DCC: variants seen among roughly 807,000 people sequenced by gnomAD.
The protein encoded by DCC is netrin receptor DCC.
In DCC, 58 loss-of-function variants were observed where a neutral mutation model predicts 172.5. The observed-to-expected ratio is 0.34, with a 90% CI of 0.27 to 0.42. DCC has a LOEUF of 0.42. DCC is among the 10% of genes least tolerant of loss of function. The probability of loss-of-function intolerance (pLI) is 1.00; values close to 1 mark genes in which losing one functional copy is unlikely to be tolerated. For missense variants in DCC, 1,740 were observed against 1,791.0 expected (o/e 0.97, Z 0.51); for synonymous variants, 709 against 644.5 (o/e 1.10, Z -1.52).
chr18:53,458,706 A>C (rs1178232452), intron 23 of DCC, among the ~76,000 whole-genome samples: 1 of 152,220 alleles, frequency 6.6e-6, no homozygotes, highest in African/African-American at 2.4e-5. Context: ...TCTCCTAAGA[A>C]TATCCTCATG....
At chr18:52,364,996 T>C (rs978254463) in intron 1 of DCC, among the ~76,000 whole-genome samples, 1 of 152,032 alleles carries the variant, frequency 6.6e-6, no homozygotes, top group Admixed American at 6.6e-5. Context: ...TTAAAAGAAA[T>C]AAATCTCATT....
At chr18:52,543,613 C>T (rs2032527431) in intron 1 of DCC, among the ~76,000 whole-genome samples, 1 of 152,250 alleles carries the variant, frequency 6.6e-6, no homozygotes, top group Middle Eastern at 3.4e-3. Flanking sequence ...ATTGTGAAAC[C>T]CTTGGGGCTG....
At chr18:52,840,264 A>G (rs1291357766) in intron 2 of DCC, among the ~76,000 whole-genome samples, 1 of 152,176 alleles carries the variant, frequency 6.6e-6, no homozygotes, top group Admixed American at 6.5e-5. Flanking sequence ...TTCTGGACAC[A>G]GTCTGCTCTG....
intron 5 of DCC, among the ~76,000 whole-genome samples, chr18:53,022,368 C>T (rs980556681): frequency 6.6e-6 from 1 of 151,592 alleles, no homozygotes; most frequent in South Asian, 2.1e-4. Flanking sequence ...ACTTTTCATA[C>T]CAGTAAAATG....
rs1392392948 is a variant in DCC, at chr18:53,047,326, TTTTA to T, written c.986-15977_986-15974del. ...TATATATAATTTTATATATATATAA[TTTTA>T]TATATATAATAATATGAAATACATA... On this transcript the variant is annotated intron_variant, in intron 5 of 28. Transcript: ENST00000442544. 3.7e-5 allele frequency among the ~76,000 whole-genome samples: 3 copies of T among 81,284 alleles called. No homozygotes were observed. The East Asian group carries it at 1.1e-3, about 30-fold the overall frequency. The allele number at this position is 81,284 out of a possible 152,430, so 53.3% of individuals were successfully genotyped here.
At chr18:52,683,750 T>G (rs1024986469) in intron 1 of DCC, among the ~76,000 whole-genome samples, 8 of 152,018 alleles carry the variant, frequency 5.3e-5, no homozygotes, top group African/African-American at 1.9e-4. Flanking sequence ...CCCAGTACCT[T>G]CCTTTGCATA....
intron 5 of DCC, among the ~76,000 whole-genome samples, chr18:52,959,892 G>A (rs1568212105): frequency 6.6e-6 from 1 of 152,018 alleles, no homozygotes. Context: ...GTTAGCTGGG[G>A]GAATTAGGCA....
intron 1 of DCC, among the ~76,000 whole-genome samples, 189 bp downstream of exon 1, chr18:52,341,067 G>C (rs879642801): frequency 6.6e-6 from 1 of 151,492 alleles, no homozygotes; most frequent in African/African-American, 2.4e-5. Flanking sequence ...GATGATGGTG[G>C]GGGGGTGGTA....
chr18:53,477,922 AG>A (rs1490248921), intron 25 of DCC, among the ~76,000 whole-genome samples: 1 of 152,212 alleles, frequency 6.6e-6, no homozygotes, highest in Non-Finnish European at 1.5e-5. Context: ...ATGGTGGCAA[AG>A]GTTGACTATT....
intron 19 of DCC, among the ~76,000 whole-genome samples, chr18:53,404,370 C>T (rs1599112379): frequency 8.6e-6 from 1 of 116,138 alleles, no homozygotes; most frequent in Non-Finnish European, 2.0e-5. Context: ...AAGTTTTTAA[C>T]TCTGGAAGAA....
intron 8 of DCC, among the ~76,000 whole-genome samples, chr18:53,174,779 C>T (rs1195882876): frequency 1.3e-5 from 2 of 150,606 alleles, no homozygotes; most frequent in Non-Finnish European, 3.0e-5. Flanking sequence ...CCTTCTGAAA[C>T]TATTCCAATC....
chr18:53,016,103 A>C (rs780574955), intron 5 of DCC, among the ~76,000 whole-genome samples: 9 of 152,094 alleles, frequency 5.9e-5, no homozygotes, highest in Admixed American at 5.9e-4. Context: ...AATAAAGTAC[A>C]TTTATTTGTA....
intron 27 of DCC, among the ~76,000 whole-genome samples, chr18:53,515,425 C>A (rs1007862979): frequency 5.1e-4 from 77 of 150,432 alleles, no homozygotes; most frequent in Non-Finnish European, 1.1e-3. Context: ...TCGTATTCAA[C>A]ATAGTGTTGG....
At chr18:52,689,041 G>A (rs1599020456) in intron 1 of DCC, among the ~76,000 whole-genome samples, 1 of 152,236 alleles carries the variant, frequency 6.6e-6, no homozygotes, top group East Asian at 1.9e-4. Flanking sequence ...TCAGAAAGTA[G>A]CCTTATTAGA....
chr18:53,056,133 T>C (rs2042400591), intron 5 of DCC, among the ~76,000 whole-genome samples: 1 of 152,126 alleles, frequency 6.6e-6, no homozygotes, highest in South Asian at 2.1e-4. Flanking sequence ...AAAGAATGTT[T>C]AATTGACTCA....
chr18:52,545,543 G>C (rs539877690), intron 1 of DCC, among the ~76,000 whole-genome samples: 1 of 152,300 alleles, frequency 6.6e-6, no homozygotes, highest in East Asian at 1.9e-4. Context: ...CACCATGAGG[G>C]GGATTGGTCC....
At position 53,027,952 on chromosome 18, in the gene DCC, A is replaced by G. The variant is rs140630697; in HGVS notation, c.986-35353A>G. 5.2e-3 allele frequency among the ~76,000 whole-genome samples: 796 copies of G among 152,270 alleles called. 7 individuals are homozygous for G. The highest frequency in any genetic ancestry group is 0.018 in the African/African-American group (758 of 41,568). On this transcript the variant is annotated intron_variant, in intron 5 of 28. Coordinates refer to ENST00000442544, the MANE Select transcript of DCC (RefSeq NM_005215.4). Reference sequence around the variant, plus strand: ...TAGAGCAAAGAAGTGAAGGCAGGTTAGCATGAATAAAGATAACCATGGAGA... The same window carrying G: ...TAGAGCAAAGAAGTGAAGGCAGGTTGGCATGAATAAAGATAACCATGGAGA...
intron 7 of DCC, among the ~76,000 whole-genome samples, chr18:53,126,842 C>G (rs376691124): frequency 6.6e-6 from 1 of 152,026 alleles, no homozygotes; most frequent in African/African-American, 2.4e-5. Context: ...GGAAGAAAAA[C>G]AAAAATCGAA....
rs752558518 is a variant in DCC at position 53,305,768 on chromosome 18, C to T, written c.2053+49C>T. 3 of 1,580,370 alleles carry T rather than the reference C, an allele frequency of 1.9e-6. 1 individual carries two copies. The highest frequency in any genetic ancestry group is 2.2e-5 in the South Asian group (2 of 90,458). ...TTGCAAGGTTTTGATGAATTAAATG[C>T]TTTAGGAATAAAATATAGTCTCACT... is the stretch of plus-strand genomic sequence containing the variant. On this transcript the variant is annotated intron_variant, in intron 13 of 28. Transcript: ENST00000442544.
Sources: allele counts gnomAD v4.1 joint callset (sites outside exome capture counted in the v4.1 genomes callset), GRCh38; gene constraint gnomAD v4.1.1; transcripts MANE v1.5; gene names NCBI Gene and HGNC (gene_info 2026-07-23, HGNC 2026-07-21).